The following SCAPER variants were observed in gnomAD, a reference collection of about 807,000 sequenced individuals.
SCAPER encodes S phase cyclin A-associated protein in the endoplasmic reticulum.
A neutral mutation model predicts 182.2 loss-of-function variants in SCAPER; 98 were observed. That is an observed-to-expected ratio of 0.54 (90% confidence interval 0.46 to 0.64). The LOEUF (loss-of-function observed/expected upper bound fraction) is 0.64, where lower values mean the gene tolerates loss of function less well. SCAPER is among the 30% of genes least tolerant of loss of function. The probability of loss-of-function intolerance (pLI) is 0.00; values close to 1 mark genes in which losing one functional copy is unlikely to be tolerated. For missense variants in SCAPER, 1,432 were observed against 1,690.0 expected (o/e 0.85, Z 2.68); for synonymous variants, 605 against 564.6 (o/e 1.07, Z -1.01).
intron 26 of SCAPER, among the ~76,000 whole-genome samples, chr15:76,414,485 A>G (rs2045518247): frequency 1.3e-5 from 2 of 152,090 alleles, no homozygotes; most frequent in Admixed American, 6.6e-5. Flanking sequence ...GACACAACCT[A>G]CAGGGGAAAA....
At chr15:76,497,623 A>C (rs1385046000) in intron 24 of SCAPER, among the ~76,000 whole-genome samples, 2 of 152,148 alleles carry the variant, frequency 1.3e-5, no homozygotes, top group African/African-American at 4.8e-5. Flanking sequence ...TTGCAAACTG[A>C]AGACACAAAG....
intron 4 of SCAPER, among the ~76,000 whole-genome samples, chr15:76,842,564 A>T (rs1568311770): frequency 1.3e-5 from 2 of 151,884 alleles, no homozygotes. Context: ...AGTCAATTAA[A>T]CCTCTTTCCT....
chr15:76,757,387 C>T (rs1191529955), intron 14 of SCAPER, among the ~76,000 whole-genome samples: 1 of 152,066 alleles, frequency 6.6e-6, no homozygotes, highest in Non-Finnish European at 1.5e-5. Flanking sequence ...TCCTCTAGCT[C>T]CATCCACGTT....
At chr15:76,517,705 T>C (rs993331878) in intron 23 of SCAPER, among the ~76,000 whole-genome samples, 1 of 152,174 alleles carries the variant, frequency 6.6e-6, no homozygotes, top group Non-Finnish European at 1.5e-5. Context: ...GAAATTATAT[T>C]GGTAGTATAC....
intron 4 of SCAPER, among the ~76,000 whole-genome samples, chr15:76,847,406 C>G (rs990634244): frequency 2.0e-5 from 3 of 151,732 alleles, no homozygotes; most frequent in African/African-American, 4.8e-5. Flanking sequence ...TGAATAAGAC[C>G]TAGTACTGGG....
intron 25 of SCAPER, among the ~76,000 whole-genome samples, chr15:76,449,503 C>T (rs1279839961): frequency 6.6e-6 from 1 of 152,122 alleles, no homozygotes; most frequent in Non-Finnish European, 1.5e-5. Flanking sequence ...TGTATGTGGC[C>T]TTGTATGAAT....
At chr15:76,737,954 G>C (rs1301545067) in intron 15 of SCAPER, among the ~76,000 whole-genome samples, 2 of 152,172 alleles carry the variant, frequency 1.3e-5, no homozygotes, top group Non-Finnish European at 2.9e-5. Flanking sequence ...ACGGAATGTT[G>C]TGGCTGGTTT....
intron 9 of SCAPER, among the ~76,000 whole-genome samples, chr15:76,773,364 C>G (rs571355431): frequency 6.6e-6 from 1 of 151,930 alleles, no homozygotes; most frequent in East Asian, 1.9e-4. Flanking sequence ...TTCCTGAAAT[C>G]TCAATAGCAT....
chr15:76,498,011 A>AAT (rs1567277150), intron 24 of SCAPER, among the ~76,000 whole-genome samples: 19 of 149,656 alleles, frequency 1.3e-4, no homozygotes, highest in Non-Finnish European at 2.1e-4. Flanking sequence ...AAAAAAAAAA[A>AAT]AAAAAAAAAT....
At chr15:76,880,915 G>A (rs1304576460) in intron 2 of SCAPER, among the ~76,000 whole-genome samples, 1 of 152,134 alleles carries the variant, frequency 6.6e-6, no homozygotes, top group African/African-American at 2.4e-5. Flanking sequence ...AAATGTTGGT[G>A]AGGATGTGGA....
Position 76,423,290 on chromosome 15 carries a change from T to G in SCAPER, c.3311+10788A>C, listed in dbSNP as rs1182080969. Among the ~76,000 whole-genome samples the G allele has an allele frequency of 3.9e-5, 6 of 152,360 alleles. 1 individual carries two copies. The highest frequency in any genetic ancestry group is 1.4e-4 in the African/African-American group (6 of 41,584). ...CGTAGGCTATTAATTATTGCCTCAATTTCAGAGCCTGTTATTGGTCTATTC... is the reference window on the plus strand; with the variant it reads ...CGTAGGCTATTAATTATTGCCTCAAGTTCAGAGCCTGTTATTGGTCTATTC... On this transcript the variant is annotated intron_variant, in intron 26 of 31. Coordinates refer to ENST00000563290, the MANE Select transcript of SCAPER (RefSeq NM_020843.4).
At chr15:76,586,855 T>TG (rs2048702341) in intron 22 of SCAPER, among the ~76,000 whole-genome samples, 1 of 152,100 alleles carries the variant, frequency 6.6e-6, no homozygotes, top group Admixed American at 6.5e-5. Flanking sequence ...CTCTATCTCG[T>TG]GGAATAGTGT....
At chr15:76,660,475 G>C (rs1363861889) in intron 21 of SCAPER, among the ~76,000 whole-genome samples, 4 of 152,142 alleles carry the variant, frequency 2.6e-5, no homozygotes, top group Non-Finnish European at 5.9e-5. Context: ...ACACTCATGT[G>C]GTCATCAAGG....
chr15:76,377,057 G>A (rs1444698643), intron 28 of SCAPER, among the ~76,000 whole-genome samples: 1 of 152,200 alleles, frequency 6.6e-6, no homozygotes, highest in Admixed American at 6.5e-5. Context: ...GAAGCCCACA[G>A]AATATACTCG....
chr15:76,847,766 A>C (rs1463920701), intron 4 of SCAPER, among the ~76,000 whole-genome samples: 1 of 152,026 alleles, frequency 6.6e-6, no homozygotes, highest in Non-Finnish European at 1.5e-5. Context: ...ACAAAAAATG[A>C]AAAGGCTAAC....
chr15:76,616,189 A>G (rs1255601875), intron 22 of SCAPER, among the ~76,000 whole-genome samples: 1 of 152,250 alleles, frequency 6.6e-6, no homozygotes, highest in Non-Finnish European at 1.5e-5. Context: ...CCATGTTCAC[A>G]GCAGCATTAT....
At chr15:76,473,535 A>G (rs1029883760) in intron 24 of SCAPER, among the ~76,000 whole-genome samples, 4 of 152,188 alleles carry the variant, frequency 2.6e-5, no homozygotes, top group African/African-American at 9.6e-5. Flanking sequence ...CTTAAGTTCT[A>G]GGTAAAAATG....
chr15:76,795,394 C>T lies in SCAPER; in HGVS notation c.658G>A (p.Val220Ile). ...VPAPRLAPTG[V>I]SWADKVKAHH... ...GCCTTTACCTTGTCAGCCCAACTGA[C>T]ACCTGTGGGAGCCAGACGAGGAGCT... Residue 220 changes from valine to isoleucine, a missense_variant, in exon 8 of 32, where the codon GTC becomes ATC. Val to Ile is a conservative substitution (Grantham distance 29). Transcript: ENST00000563290. 1.2e-6 allele frequency: 2 copies of T among 1,608,776 alleles called. No homozygotes were observed. Among genetic ancestry groups the T allele is most frequent in the South Asian group, 1.1e-5 (1 of 90,388 alleles).
intron 9 of SCAPER, among the ~76,000 whole-genome samples, chr15:76,772,514 T>A (rs2063527226): frequency 6.6e-6 from 1 of 151,970 alleles, no homozygotes; most frequent in South Asian, 2.1e-4. Flanking sequence ...ATTCATATGG[T>A]ACATGAACCC....
Sources: gnomAD v4.1 joint callset for allele counts (sites outside exome capture counted in the v4.1 genomes callset) on GRCh38, gnomAD v4.1.1 for gene constraint, MANE v1.5 for transcripts, NCBI Gene and HGNC (gene_info 2026-07-23, HGNC 2026-07-21) for gene names.